The following RIN3 variants were observed in gnomAD, a reference collection of about 807,000 sequenced individuals.
The protein encoded by RIN3 is RAB5 interacting protein 3.
A neutral mutation model predicts 76.3 loss-of-function variants in RIN3; 54 were observed. The observed-to-expected ratio is 0.71, with a 90% CI of 0.57 to 0.89. The LOEUF is 0.89. RIN3 is among the 40% of genes least tolerant of loss of function. The pLI, the probability that RIN3 is intolerant of heterozygous loss-of-function variation, is 0.00. For synonymous variants in RIN3, 576 were observed against 564.0 expected, an observed-to-expected ratio of 1.02 and a Z score of -0.30; for missense variants, 1,256 against 1,322.1, an observed-to-expected ratio of 0.95 and a Z score of 0.78.
chr14:92,620,095 T>C (rs1024584295), intron 4 of RIN3, among the ~76,000 whole-genome samples: 5 of 152,254 alleles, frequency 3.3e-5, no homozygotes, highest in African/African-American at 1.2e-4. Context: ...ACTTAAGCTT[T>C]TATTATTATT....
intron 6 of RIN3, among the ~76,000 whole-genome samples, chr14:92,655,161 T>G (rs1887620526): frequency 6.6e-6 from 1 of 150,866 alleles, no homozygotes; most frequent in South Asian, 2.1e-4. Flanking sequence ...TGAGACTTTG[T>G]CTCAAAAAAA....
In RIN3 at chr14:92,514,123, GC is replaced by G; in HGVS notation, c.44+149del. 1.9e-6 allele frequency: 1 copy of G among 531,586 alleles called. No individual in the cohort carries two copies. The highest frequency in any genetic ancestry group is 2.9e-6 in the Non-Finnish European group (1 of 348,602). 32.9% of individuals were successfully genotyped at this position (531,586 alleles called of 1,614,324 possible). A position where few individuals can be genotyped will look rare whatever the true frequency, so the allele number is the denominator to read the frequency against. On this transcript the variant is annotated intron_variant, in intron 1 of 9. Transcript: ENST00000216487. This position sits in a 1 kb window ranked among gnomAD's most constrained non-coding sequence, Gnocchi z 7.2. ...ATACGGGACCCCCACCGTGGCCGAG[GC>G]CAGAACCTGGTTCTGCGGGGCAGGG...
rs1595496254 is a variant in RIN3 at position 92,664,448 on chromosome 14, A to T, written c.2335+4979A>T. 2.7e-5 allele frequency among the ~76,000 whole-genome samples: 4 copies of T among 146,620 alleles called. No homozygotes were observed. The Admixed American group carries it at 2.8e-4, about 10-fold the overall frequency. ...AGTGGCGCGATCTCGGCTCACTGCA[A>T]ACTCCGCCTCCCGGGTTCACGCCAT... On this transcript the variant is annotated intron_variant, in intron 7 of 9. Coordinates refer to ENST00000216487, the MANE Select transcript of RIN3 (RefSeq NM_024832.5).
At chr14:92,595,697 A>C (rs570489873) in intron 3 of RIN3, among the ~76,000 whole-genome samples, 1 of 152,206 alleles carries the variant, frequency 6.6e-6, no homozygotes, top group South Asian at 2.1e-4. Context: ...AAGTCACTCA[A>C]CATCTCTGAG....
chr14:92,528,937 T>G (rs1896816225), intron 1 of RIN3, among the ~76,000 whole-genome samples: 2 of 152,152 alleles, frequency 1.3e-5, no homozygotes, highest in South Asian at 4.1e-4. Flanking sequence ...CCTCTGCCTC[T>G]GATGGAAGCT....
chr14:92,556,185 G>A (rs971051802), intron 2 of RIN3, among the ~76,000 whole-genome samples: 4 of 152,160 alleles, frequency 2.6e-5, no homozygotes, highest in African/African-American at 7.2e-5. Flanking sequence ...GTTTGTGACT[G>A]GAGAGCAGGT....
In RIN3 at chr14:92,631,628, G is replaced by A. The variant is rs533729618; in HGVS notation, c.441-9610G>A. 1.5e-3 allele frequency among the ~76,000 whole-genome samples: 232 copies of A among 152,108 alleles called. 2 individuals carry two copies. The highest frequency in any genetic ancestry group is 4.7e-3 in the African/African-American group (197 of 41,486). On this transcript the variant is annotated intron_variant, in intron 4 of 9. Transcript: ENST00000216487. Reference sequence around the variant, plus strand: ...GGCGGCGGCGGGAGTGGGGGTTGGAGTCTCACTCTGTCACCAGGCTGGAGT... The same window carrying A: ...GGCGGCGGCGGGAGTGGGGGTTGGAATCTCACTCTGTCACCAGGCTGGAGT...
rs1192911173 is a variant in RIN3 at position 92,685,688 on chromosome 14, C to T, written c.2631+538C>T. 6.8e-6 allele frequency: 1 copy of T among 146,794 alleles called. No homozygotes were observed. Among genetic ancestry groups the T allele is most frequent in the Non-Finnish European group, 1.5e-5 (1 of 66,710 alleles). 9.1% of individuals were successfully genotyped at this position (146,794 alleles called of 1,614,324 possible). On this transcript the variant is annotated intron_variant, in intron 9 of 9. Transcript: ENST00000216487. The surrounding 1 kb of genome is among the most constrained non-coding windows in gnomAD (Gnocchi z 4.7). ...CATCACCCCACCCACCCCCAGGCTGCATCAAATCCAGCTGCCCCCAGTTCC... is the reference window on the plus strand; with the variant it reads ...CATCACCCCACCCACCCCCAGGCTGTATCAAATCCAGCTGCCCCCAGTTCC...
intron 4 of RIN3, among the ~76,000 whole-genome samples, chr14:92,624,866 G>A (rs1886296056): frequency 1.3e-5 from 2 of 152,138 alleles, no homozygotes; most frequent in African/African-American, 2.4e-5. Context: ...TTCTTGACTC[G>A]GGTGTGATGG....
intron 1 of RIN3, among the ~76,000 whole-genome samples, chr14:92,521,014 C>T (rs8018360): frequency 0.26 from 40,081 of 152,000 alleles, 9,599 homozygotes; most frequent in African/African-American, 0.64. Flanking sequence ...CTAAACTATA[C>T]TCAAGGACTC....
rs866903817 is a variant in RIN3 at position 92,684,585 on chromosome 14, A to T, written c.2468-402A>T. 2.8e-4 allele frequency among the ~76,000 whole-genome samples: 42 copies of T among 152,286 alleles called. 1 individual carries two copies. The highest frequency in any genetic ancestry group is 2.1e-4 in the South Asian group (1 of 4,830). On this transcript the variant is annotated intron_variant, in intron 8 of 9. Coordinates refer to ENST00000216487, the MANE Select transcript of RIN3 (RefSeq NM_024832.5). ...CATAAATGGAACCATAGTAACTCAG[A>T]GACCGTGTATATGTGATACACACAC...
chr14:92,519,196 T>A (rs1896526529), intron 1 of RIN3, among the ~76,000 whole-genome samples: 1 of 152,206 alleles, frequency 6.6e-6, no homozygotes, highest in African/African-American at 2.4e-5. Context: ...ATGCAGGCAC[T>A]TTCACAAGAA....
At chr14:92,591,576 A>G (rs963295282) in intron 3 of RIN3, among the ~76,000 whole-genome samples, 4 of 152,240 alleles carry the variant, frequency 2.6e-5, no homozygotes, top group African/African-American at 4.8e-5. Flanking sequence ...AAGTCTTGAA[A>G]AAAAGCCAGA....
chr14:92,521,650 C>T (rs1896600626), intron 1 of RIN3, among the ~76,000 whole-genome samples: 2 of 152,234 alleles, frequency 1.3e-5, no homozygotes, highest in African/African-American at 2.4e-5. Context: ...TGAGCCTCAC[C>T]AGGAGTAGAT....
chr14:92,561,233 G>A (rs531651049), intron 2 of RIN3, among the ~76,000 whole-genome samples: 1 of 148,810 alleles, frequency 6.7e-6, no homozygotes, highest in African/African-American at 2.5e-5. Flanking sequence ...AGACCACCTG[G>A]GTCTACCCCT....
Position 92,651,962 on chromosome 14 carries a change from C to A in RIN3, c.913C>A (p.Pro305Thr), listed in dbSNP as rs762039740. Residue 305 changes from proline to threonine, a missense_variant, in exon 6 of 10, where the codon CCC becomes ACC. This residue lies in a region of RIN3 where 610 missense variants were observed against 626.4 expected (regional missense o/e 0.97). Transcript: ENST00000216487. ...AQPPVLPALA[P>T]APACPLPTSP... is the part of the protein sequence containing the mutation. ...GCCCCCTGTGCTCCCTGCTCTTGCC[C>A]CCGCCCCTGCCTGTCCTTTGCCCAC... 2.0e-6 allele frequency: 3 copies of A among 1,526,696 alleles called. No homozygotes were observed. Among genetic ancestry groups the A allele is most frequent in the Non-Finnish European group, 2.7e-6 (3 of 1,130,748 alleles). The allele number at this position is 1,526,696 out of a possible 1,614,324, so 94.6% of individuals were successfully genotyped here.
chr14:92,561,759 A>G (rs1897783618), intron 2 of RIN3, among the ~76,000 whole-genome samples: 1 of 152,204 alleles, frequency 6.6e-6, no homozygotes, highest in African/African-American at 2.4e-5. Context: ...ATCATGGCTC[A>G]CTGCAGCCTA....
chr14:92,656,447 C>CAG lies in RIN3; in HGVS notation c.2027-2713_2027-2712dup, dbSNP rs772369834. Among the ~76,000 whole-genome samples, 10 of 152,154 alleles carry CAG rather than the reference C, an allele frequency of 6.6e-5. No individual in the cohort carries two copies. The highest frequency in any genetic ancestry group is 1.3e-4 in the Non-Finnish European group (9 of 68,026). ...GGCAAGGCCAGTACCCGGTGGCCTT[C>CAG]AGCAGAGCAAAGGAGGTGGAGCACA... On this transcript the variant is annotated intron_variant, in intron 6 of 9. Coordinates refer to ENST00000216487, the MANE Select transcript of RIN3 (RefSeq NM_024832.5). This position sits in a 1 kb window ranked among gnomAD's most constrained non-coding sequence, Gnocchi z 5.2.
At chr14:92,561,236 C>A (rs772552555) in intron 2 of RIN3, among the ~76,000 whole-genome samples, 1 of 149,624 alleles carries the variant, frequency 6.7e-6, no homozygotes, top group African/African-American at 2.5e-5. Flanking sequence ...CCACCTGGGT[C>A]TACCCCTGCT....
Sources: allele counts gnomAD v4.1 joint callset (sites outside exome capture counted in the v4.1 genomes callset), GRCh38; gene constraint gnomAD v4.1.1; regional missense constraint gnomAD v4.1.1; non-coding constraint Gnocchi (gnomAD v3.1); transcripts MANE v1.5; gene names NCBI Gene and HGNC (gene_info 2026-07-23, HGNC 2026-07-21).